The following NENF variants were observed in gnomAD, a reference collection of about 807,000 sequenced individuals.
NENF encodes neudesin.
NENF carries 6 observed loss-of-function variants against 14.8 expected under a neutral mutation model. The observed-to-expected ratio is 0.40, with a 90% CI of 0.22 to 0.80. The LOEUF is 0.80. NENF is among the 30% of genes least tolerant of loss of function. NENF has a pLI of 0.34. For missense variants in NENF, 184 were observed against 212.7 expected (o/e 0.87, Z 0.84); for synonymous variants, 76 against 95.1 (o/e 0.80, Z 1.17).
chr1:212,440,251 C>CAAA lies in NENF; in HGVS notation c.178-2301_178-2299dup, dbSNP rs371489983. Among the ~76,000 whole-genome samples the CAAA allele has an allele frequency of 2.3e-5, 2 of 87,042 alleles. 1 individual carries two copies. Among genetic ancestry groups the CAAA allele is most frequent in the Non-Finnish European group, 4.4e-5 (2 of 45,158 alleles). The allele number at this position is 87,042 out of a possible 152,430, so 57.1% of individuals were successfully genotyped here. On this transcript the variant is annotated intron_variant, in intron 1 of 3. Transcript: ENST00000366988. ...TGGGTGACAGAGTAAGACTCTGTCT[C>CAAA]AAAAAAAAAAAAAAAGGAAAAAGAA...
Position 212,446,101 on chromosome 1 carries a change from C to A in NENF, c.*95C>A. On this transcript the variant is annotated 3_prime_UTR_variant, in exon 4 of 4. Transcript: ENST00000366988. ...AAACTGGCTGCCTGGAGGCCCTGAGCCACCCAGATCTGAATAAAACAGATG... is the reference window on the plus strand; with the variant it reads ...AAACTGGCTGCCTGGAGGCCCTGAGACACCCAGATCTGAATAAAACAGATG... 1 of 1,209,476 alleles carries A rather than the reference C, an allele frequency of 8.3e-7. No individual in the cohort carries two copies. Among genetic ancestry groups the A allele is most frequent in the Non-Finnish European group, 1.2e-6 (1 of 837,270 alleles). The allele number at this position is 1,209,476 out of a possible 1,614,324, so 74.9% of individuals were successfully genotyped here.
At chr1:212,435,995 G>A (rs558257807) in intron 1 of NENF, among the ~76,000 whole-genome samples, 3 of 152,272 alleles carry the variant, frequency 2.0e-5, no homozygotes, top group African/African-American at 7.2e-5. Flanking sequence ...ATAAAGAAGA[G>A]AAAATATATT....
rs1290237955 is a variant in NENF, at chr1:212,433,414, C to T, written c.177+294C>T. On this transcript the variant is annotated intron_variant, in intron 1 of 3. Transcript: ENST00000366988. This position sits in a 1 kb window ranked among gnomAD's most constrained non-coding sequence, Gnocchi z 5.5. ...TAGCCGCCTTTTCGTTGATGATCTGCGTACAGACCTCAGAACTTTTTGGTT... is the reference window on the plus strand; with the variant it reads ...TAGCCGCCTTTTCGTTGATGATCTGTGTACAGACCTCAGAACTTTTTGGTT... 4.6e-5 allele frequency among the ~76,000 whole-genome samples: 7 copies of T among 152,132 alleles called. No individual in the cohort carries two copies. The highest frequency in any genetic ancestry group is 8.8e-5 in the Non-Finnish European group (6 of 68,026).
At chr1:212,436,784 A>C (rs1426032286) in intron 1 of NENF, among the ~76,000 whole-genome samples, 1 of 152,166 alleles carries the variant, frequency 6.6e-6, no homozygotes, top group Non-Finnish European at 1.5e-5. Context: ...CAATGGTTAT[A>C]ATAAGAGTTC....
chr1:212,433,151 C>G lies in NENF; in HGVS notation c.177+31C>G, dbSNP rs891397346. The stretch of plus-strand genomic sequence containing the variant: ...CGGGGGTGTCGCGGGCCGAGGGACC[C>G]GGGGTGGCGTCCGATCTGCGGCGAG... On this transcript the variant is annotated intron_variant, in intron 1 of 3. Coordinates refer to ENST00000366988, the MANE Select transcript of NENF (RefSeq NM_013349.5). The surrounding 1 kb of genome is among the most constrained non-coding windows in gnomAD (Gnocchi z 5.5). 307 of 1,149,802 alleles carry G rather than the reference C, an allele frequency of 2.7e-4. No individual in the cohort carries two copies. Among genetic ancestry groups the G allele is most frequent in the Non-Finnish European group, 2.6e-4 (239 of 929,908 alleles). The allele number at this position is 1,149,802 out of a possible 1,614,324, so 71.2% of individuals were successfully genotyped here. A position where few individuals can be genotyped will look rare whatever the true frequency, so the allele number is the denominator to read the frequency against.
intron 1 of NENF, among the ~76,000 whole-genome samples, chr1:212,441,487 A>G (rs187695553): frequency 1.2e-4 from 18 of 152,202 alleles, no homozygotes; most frequent in African/African-American, 4.3e-4. Flanking sequence ...TATCACTAAT[A>G]TAAGATGGGG....
intron 1 of NENF, among the ~76,000 whole-genome samples, chr1:212,436,810 T>C (rs1482227989): frequency 2.0e-5 from 3 of 151,714 alleles, no homozygotes; most frequent in Non-Finnish European, 2.9e-5. Context: ...TGGCTGAGTG[T>C]GGTGGCTCAC....
chr1:212,440,566 C>T (rs1224591632), intron 1 of NENF, among the ~76,000 whole-genome samples: 2 of 152,058 alleles, frequency 1.3e-5, no homozygotes, highest in Non-Finnish European at 1.5e-5. Flanking sequence ...CTTTAGGAGC[C>T]GGTTTGGAGT....
intron 2 of NENF, among the ~76,000 whole-genome samples, chr1:212,443,825 T>C (rs1412287059): frequency 6.6e-6 from 1 of 151,606 alleles, no homozygotes; most frequent in East Asian, 1.9e-4. Flanking sequence ...GGGCAGATCA[T>C]GTGAGCTCAG....
intron 2 of NENF, 42 bp downstream of exon 2, chr1:212,442,667 C>T: frequency 6.7e-7 from 1 of 1,486,692 alleles, no homozygotes; most frequent in Non-Finnish European, 9.4e-7. Context: ...CCAGGGAGCA[C>T]AGAAGCCAGA....
At position 212,432,932 on chromosome 1, in the gene NENF, T is replaced by C. The variant is rs1662539941; in HGVS notation, c.-12T>C. On this transcript the variant is annotated 5_prime_UTR_variant, in exon 1 of 4. Coordinates refer to ENST00000366988, the MANE Select transcript of NENF (RefSeq NM_013349.5). ...GCCCTGGCCCGGCCTTGCCTTGCGC[T>C]GCGCGCTCACCATGGTGGGCCCCGC... is the stretch of plus-strand genomic sequence containing the variant. The C allele has an allele frequency of 9.7e-6, 7 of 723,192 alleles. No individual in the cohort carries two copies. The highest frequency in any genetic ancestry group is 1.2e-5 in the Non-Finnish European group (7 of 571,766). The allele number at this position is 723,192 out of a possible 1,614,324, so 44.8% of individuals were successfully genotyped here.
chr1:212,445,709 T>C, intron 3 of NENF, 121 bp from the exon 4 acceptor site: 2 of 822,602 alleles, frequency 2.4e-6, no homozygotes, highest in Non-Finnish European at 1.8e-6. Flanking sequence ...ATTTGGTTTG[T>C]TGAGATATCT....
At chr1:212,439,735 C>T (rs2102568977) in intron 1 of NENF, among the ~76,000 whole-genome samples, 1 of 148,948 alleles carries the variant, frequency 6.7e-6, no homozygotes, top group East Asian at 2.0e-4. Context: ...TGACACACGT[C>T]TGTAATCCCA....
chr1:212,439,280 C>A (rs1287986779), intron 1 of NENF, among the ~76,000 whole-genome samples: 5 of 152,084 alleles, frequency 3.3e-5, no homozygotes, highest in African/African-American at 1.2e-4. Flanking sequence ...CGCCTGTAAT[C>A]CCAGCACTTT....
chr1:212,438,049 C>A (rs1190063247), intron 1 of NENF, among the ~76,000 whole-genome samples: 1 of 152,114 alleles, frequency 6.6e-6, no homozygotes, highest in East Asian at 1.9e-4. Context: ...GAACTCCATT[C>A]TCCCAGTAAT....
chr1:212,435,471 C>T (rs1343531481), intron 1 of NENF, among the ~76,000 whole-genome samples: 4 of 152,090 alleles, frequency 2.6e-5, no homozygotes, highest in Non-Finnish European at 5.9e-5. Context: ...GCCGCAGCCT[C>T]CCAAGCCGCT....
intron 1 of NENF, among the ~76,000 whole-genome samples, chr1:212,437,516 A>G (rs1662627922): frequency 6.6e-6 from 1 of 151,954 alleles, no homozygotes; most frequent in East Asian, 1.9e-4. Context: ...ACTTGCTTCT[A>G]CTAGATATAA....
intron 1 of NENF, among the ~76,000 whole-genome samples, chr1:212,437,443 AG>A (rs1204498209): frequency 3.3e-5 from 5 of 152,074 alleles, no homozygotes; most frequent in Non-Finnish European, 7.4e-5. Context: ...GACCCCCAAG[AG>A]TTTCTGCTGT....
intron 1 of NENF, among the ~76,000 whole-genome samples, chr1:212,435,215 G>A (rs1313918692): frequency 1.3e-5 from 2 of 152,202 alleles, no homozygotes; most frequent in Admixed American, 6.5e-5. Flanking sequence ...TTGTTCGTAA[G>A]ATACTTGGAT....
Sources: allele counts gnomAD v4.1 joint callset (sites outside exome capture counted in the v4.1 genomes callset), GRCh38; gene constraint gnomAD v4.1.1; non-coding constraint Gnocchi (gnomAD v3.1); transcripts MANE v1.5; gene names NCBI Gene and HGNC (gene_info 2026-07-23, HGNC 2026-07-21).